The following IQCH variants were observed in gnomAD, a reference collection of about 807,000 sequenced individuals.
IQCH encodes the protein IQ domain-containing protein H.
In IQCH, 98 loss-of-function variants were observed where a neutral mutation model predicts 117.0. The ratio of observed to expected loss-of-function variants is 0.84; its 90% CI spans 0.71 to 0.99. The LOEUF is 0.99. Ranked by LOEUF, IQCH falls within the 50% of genes least tolerant of loss-of-function variation. The pLI, the probability that IQCH is intolerant of heterozygous loss-of-function variation, is 0.00. For synonymous variants in IQCH, 412 were observed against 448.2 expected, an observed-to-expected ratio of 0.92 and a Z score of 1.02; for missense variants, 1,102 against 1,243.8, an observed-to-expected ratio of 0.89 and a Z score of 1.72.
intron 18 of IQCH, among the ~76,000 whole-genome samples, chr15:67,483,324 C>G (rs965998866): frequency 1.3e-5 from 2 of 152,186 alleles, no homozygotes; most frequent in African/African-American, 4.8e-5. Context: ...TGAGACCACC[C>G]TAACCAACAT....
At position 67,416,409 on chromosome 15, in the gene IQCH, C is replaced by A. The variant is rs187800606; in HGVS notation, c.2098-522C>A. Among the ~76,000 whole-genome samples, 2 of 151,400 alleles carry A rather than the reference C, an allele frequency of 1.3e-5. No homozygotes were observed. The highest frequency in any genetic ancestry group is 3.9e-4 in the East Asian group (2 of 5,124). On this transcript the variant is annotated intron_variant, in intron 14 of 20. Transcript: ENST00000335894. This position sits in a 1 kb window ranked among gnomAD's most constrained non-coding sequence, Gnocchi z 5.1. ...ACGCATGCCTGTAGTCCCAGCTACT[C>A]GGGAGGCTGAGGCAGGAGAATCACT...
intron 3 of IQCH, among the ~76,000 whole-genome samples, chr15:67,275,451 A>G (rs1049435985): frequency 4.6e-5 from 7 of 152,082 alleles, no homozygotes; most frequent in Admixed American, 1.3e-4. Context: ...TAATAATCTC[A>G]GTAATGTATG....
intron 10 of IQCH, among the ~76,000 whole-genome samples, chr15:67,375,670 G>A (rs1472424910): frequency 1.3e-5 from 2 of 151,836 alleles, no homozygotes; most frequent in East Asian, 3.9e-4. Context: ...ATAAGAACAA[G>A]CTCAGATTTC....
chr15:67,265,730 A>G (rs1360678071), intron 3 of IQCH, among the ~76,000 whole-genome samples: 4 of 152,142 alleles, frequency 2.6e-5, no homozygotes, highest in Admixed American at 1.3e-4. Flanking sequence ...TCTGCTCCCA[A>G]TCATACCTGG....
At chr15:67,328,600 G>A (rs1488238787) in intron 4 of IQCH, among the ~76,000 whole-genome samples, 5 of 152,164 alleles carry the variant, frequency 3.3e-5, no homozygotes, top group Admixed American at 6.5e-5. Context: ...GAGCCTAGAG[G>A]AGGAGAATAT....
At chr15:67,398,892 A>G (rs1026142271) in intron 13 of IQCH, among the ~76,000 whole-genome samples, 2 of 152,224 alleles carry the variant, frequency 1.3e-5, no homozygotes, top group African/African-American at 4.8e-5. Context: ...TATAGACTGG[A>G]AAGTCTGATA....
intron 18 of IQCH, among the ~76,000 whole-genome samples, chr15:67,487,081 C>G (rs1249329248): frequency 1.3e-5 from 2 of 152,208 alleles, no homozygotes; most frequent in African/African-American, 2.4e-5. Flanking sequence ...GCCTGTAATC[C>G]CAGCACTTTG....
At chr15:67,455,825 T>C (rs1192918862) in intron 16 of IQCH, among the ~76,000 whole-genome samples, 1 of 152,192 alleles carries the variant, frequency 6.6e-6, no homozygotes, top group East Asian at 1.9e-4. Context: ...CTATCTACAG[T>C]ATGGGATTAC....
intron 8 of IQCH, among the ~76,000 whole-genome samples, chr15:67,360,752 C>T (rs921689411): frequency 3.3e-5 from 5 of 152,238 alleles, no homozygotes; most frequent in South Asian, 2.1e-4. Context: ...AAAAAGAGCC[C>T]GCCTTTGGGG....
At position 67,385,031 on chromosome 15, in the gene IQCH, A is replaced by T. The variant is rs201244272; in HGVS notation, c.1456+12A>T. 4.7e-6 allele frequency: 7 copies of T among 1,491,188 alleles called. No individual in the cohort carries two copies. In the African/African-American group the frequency reaches 8.3e-5, roughly 18 times the overall value. 92.4% of individuals were successfully genotyped at this position (1,491,188 alleles called of 1,614,324 possible). A position where few individuals can be genotyped will look rare whatever the true frequency, so the allele number is the denominator to read the frequency against. ...GTGTGACATCTTAGGTACAGTAAAT[A>T]GTTTTACACAAATGACTCTTTGGAA... is the stretch of plus-strand genomic sequence containing the variant. On this transcript the variant is annotated intron_variant, in intron 11 of 20. Transcript: ENST00000335894. This position sits in a 1 kb window ranked among gnomAD's most constrained non-coding sequence, Gnocchi z 4.6.
rs2083630340 is a variant in IQCH at position 67,490,792 on chromosome 15, A to G, written c.2861+728A>G. 1.3e-5 allele frequency among the ~76,000 whole-genome samples: 2 copies of G among 152,088 alleles called. No individual in the cohort carries two copies. The highest frequency in any genetic ancestry group is 4.2e-4 in the South Asian group (2 of 4,816). On this transcript the variant is annotated intron_variant, in intron 19 of 20. Coordinates refer to ENST00000335894, the MANE Select transcript of IQCH (RefSeq NM_001031715.3). This position sits in a 1 kb window ranked among gnomAD's most constrained non-coding sequence, Gnocchi z 4.9. ...GTAGCTCCTCCTCAGATCCAGTTTC[A>G]ACCCGGGCGCAGTCTTCTCAAGGTA...
chr15:67,499,091 G>A (rs1467352495), intron 20 of IQCH, among the ~76,000 whole-genome samples: 1 of 152,054 alleles, frequency 6.6e-6, no homozygotes, highest in Non-Finnish European at 1.5e-5. Flanking sequence ...GAGGCCAGGA[G>A]TTTGAGACTA....
Position 67,432,351 on chromosome 15 carries a change from A to C in IQCH, c.2505+10774A>C, listed in dbSNP as rs2082038342. ...CTGAAAACGATTTTTAAGAGTTTCT[A>C]AATACAGAATATCAGCCTAGAATAA... On this transcript the variant is annotated intron_variant, in intron 16 of 20. Transcript: ENST00000335894. The surrounding 1 kb of genome is among the most constrained non-coding windows in gnomAD (Gnocchi z 5.0). 1.3e-5 allele frequency among the ~76,000 whole-genome samples: 2 copies of C among 152,200 alleles called. No homozygotes were observed. The highest frequency in any genetic ancestry group is 2.9e-5 in the Non-Finnish European group (2 of 68,036).
rs549283576 is a variant in IQCH at position 67,436,042 on chromosome 15, T to C, written c.2505+14465T>C. ...GGAAAAGTACATTTGCTTTAGGCTT[T>C]ACCTATTTCTTAAGACAATACTCAA... is the stretch of plus-strand genomic sequence containing the variant. On this transcript the variant is annotated intron_variant, in intron 16 of 20. Transcript: ENST00000335894. This position sits in a 1 kb window ranked among gnomAD's most constrained non-coding sequence, Gnocchi z 5.1. Among the ~76,000 whole-genome samples, 2 of 152,298 alleles carry C rather than the reference T, an allele frequency of 1.3e-5. No homozygotes were observed. Among genetic ancestry groups the C allele is most frequent in the Non-Finnish European group, 2.9e-5 (2 of 68,026 alleles).
At chr15:67,428,421 C>G (rs2081941583) in intron 16 of IQCH, among the ~76,000 whole-genome samples, 1 of 152,064 alleles carries the variant, frequency 6.6e-6, no homozygotes, top group Non-Finnish European at 1.5e-5. Context: ...ATATCCACAC[C>G]CTAATTCCCC....
At chr15:67,268,170 T>C (rs1046022532) in intron 3 of IQCH, among the ~76,000 whole-genome samples, 1 of 152,156 alleles carries the variant, frequency 6.6e-6, no homozygotes, top group Non-Finnish European at 1.5e-5. Flanking sequence ...TAATTTTCCT[T>C]TTTAGCCAGC....
intron 16 of IQCH, among the ~76,000 whole-genome samples, chr15:67,429,781 C>T (rs2081981146): frequency 6.6e-6 from 1 of 152,060 alleles, no homozygotes. Flanking sequence ...GGACTGGGGG[C>T]CAAGGCAAAA....
At chr15:67,322,613 C>T (rs1968189790) in intron 4 of IQCH, among the ~76,000 whole-genome samples, 1 of 152,134 alleles carries the variant, frequency 6.6e-6, no homozygotes, top group Admixed American at 6.5e-5. Context: ...CTGGAGGTGC[C>T]CTGCCCACTC....
At chr15:67,290,180 C>G (rs1567068875) in intron 4 of IQCH, among the ~76,000 whole-genome samples, 2 of 151,986 alleles carry the variant, frequency 1.3e-5, no homozygotes, top group Admixed American at 6.6e-5. Flanking sequence ...AACACCTTCT[C>G]CTGAAAATCA....
Sources: allele counts gnomAD v4.1 joint callset (sites outside exome capture counted in the v4.1 genomes callset), GRCh38; gene constraint gnomAD v4.1.1; non-coding constraint Gnocchi (gnomAD v3.1); transcripts MANE v1.5; gene names NCBI Gene and HGNC (gene_info 2026-07-23, HGNC 2026-07-21).